ASTN2: variants seen among roughly 807,000 people sequenced by gnomAD.
ASTN2 encodes the protein astrotactin-2.
Under a neutral mutation model 139.8 loss-of-function variants are expected in ASTN2, and 54 were observed. That is an observed-to-expected ratio of 0.39 (90% confidence interval 0.31 to 0.48). The LOEUF is 0.48. Ranked by LOEUF, ASTN2 falls within the 20% of genes least tolerant of loss-of-function variation. ASTN2 has a pLI of 0.95. For synonymous variants in ASTN2, 756 were observed against 719.5 expected, an observed-to-expected ratio of 1.05 and a Z score of -0.81; for missense variants, 1,565 against 1,725.1, an observed-to-expected ratio of 0.91 and a Z score of 1.64.
chr9:117,312,721 T>C (rs1186230903), intron 1 of ASTN2, among the ~76,000 whole-genome samples: 5 of 152,144 alleles, frequency 3.3e-5, no homozygotes, highest in African/African-American at 1.2e-4. Context: ...CCATATCAGC[T>C]CTGCCATTCA....
chr9:117,205,609 CTGTT>C (rs1831892348), intron 3 of ASTN2, among the ~76,000 whole-genome samples: 1 of 152,106 alleles, frequency 6.6e-6, no homozygotes, highest in African/African-American at 2.4e-5. Context: ...CCGACTTTTT[CTGTT>C]TGTCCACTGA....
intron 1 of ASTN2, among the ~76,000 whole-genome samples, chr9:117,328,753 C>T (rs1828603225): frequency 6.6e-6 from 1 of 152,184 alleles, no homozygotes; most frequent in Non-Finnish European, 1.5e-5. Flanking sequence ...CTTTCTCTAG[C>T]CATTCATCAG....
At chr9:116,746,589 A>T (rs531986285) in intron 13 of ASTN2, among the ~76,000 whole-genome samples, 1 of 152,296 alleles carries the variant, frequency 6.6e-6, no homozygotes, top group South Asian at 2.1e-4. Flanking sequence ...TAACTTATTC[A>T]TGGGTTCCAG....
intron 2 of ASTN2, among the ~76,000 whole-genome samples, chr9:117,289,811 T>A (rs1439836097): frequency 6.6e-6 from 1 of 152,184 alleles, no homozygotes; most frequent in Non-Finnish European, 1.5e-5. Context: ...ATGGAAAAAG[T>A]CTATCACACT....
chr9:116,723,252 T>C (rs1456267442), intron 16 of ASTN2, among the ~76,000 whole-genome samples: 1 of 152,184 alleles, frequency 6.6e-6, no homozygotes, highest in Non-Finnish European at 1.5e-5. Context: ...AATTTTTACT[T>C]TATTTCAAGC....
At chr9:116,521,877 A>C (rs1214445415) in intron 19 of ASTN2, among the ~76,000 whole-genome samples, 3 of 152,168 alleles carry the variant, frequency 2.0e-5, no homozygotes, top group African/African-American at 4.8e-5. Flanking sequence ...AATTCTCAAA[A>C]GAAGATATAC....
chr9:117,253,746 T>A (rs948414124), intron 2 of ASTN2, among the ~76,000 whole-genome samples: 1 of 152,142 alleles, frequency 6.6e-6, no homozygotes, highest in Non-Finnish European at 1.5e-5. Context: ...AAAGCATCCA[T>A]GAAACAGGAG....
chr9:117,310,942 T>C (rs962707775), intron 1 of ASTN2, among the ~76,000 whole-genome samples: 1 of 152,154 alleles, frequency 6.6e-6, no homozygotes, highest in African/African-American at 2.4e-5. Flanking sequence ...CTATCCTGTC[T>C]TCCAGAGGTC....
At chr9:116,549,678 T>C (rs140436467) in intron 19 of ASTN2, among the ~76,000 whole-genome samples, 110 of 152,220 alleles carry the variant, frequency 7.2e-4, no homozygotes, top group Non-Finnish European at 1.2e-3. Flanking sequence ...GCAGACCCTG[T>C]ACTCCCAACA....
chr9:117,188,687 T>G (rs1163256740), intron 3 of ASTN2, among the ~76,000 whole-genome samples: 1 of 152,146 alleles, frequency 6.6e-6, no homozygotes, highest in South Asian at 2.1e-4. Flanking sequence ...TGAGAAAGCA[T>G]GCATAGATGA....
At chr9:116,632,121 GA>G (rs1856772687) in intron 17 of ASTN2, among the ~76,000 whole-genome samples, 1 of 79,064 alleles carries the variant, frequency 1.3e-5, no homozygotes, top group Non-Finnish European at 2.6e-5. Flanking sequence ...AAAAGAAAAA[GA>G]AAAAGAAGAG....
rs1046517829 is a variant in ASTN2 at position 116,424,833 on chromosome 9, C to A, written c.*1018G>T. ...CAAACTCCTGGCCTCAAGTGATCCA[C>A]CTGCCCTGGCCTCCCAAAGTGCTAG... is the stretch of plus-strand genomic sequence containing the variant. On this transcript the variant is annotated 3_prime_UTR_variant, in exon 23 of 23. Coordinates refer to ENST00000313400, the MANE Select transcript of ASTN2 (RefSeq NM_001365068.1). Among the ~76,000 whole-genome samples the A allele has an allele frequency of 2.6e-5, 4 of 152,158 alleles. No individual in the cohort carries two copies. Among genetic ancestry groups the A allele is most frequent in the African/African-American group, 9.7e-5 (4 of 41,444 alleles).
In ASTN2 at chr9:116,620,467, T is replaced by G. The variant is rs1161708172; in HGVS notation, c.3073-24A>C. On this transcript the variant is annotated intron_variant, in intron 17 of 22. Coordinates refer to ENST00000313400, the MANE Select transcript of ASTN2 (RefSeq NM_001365068.1). ...GCCTGGACAAAAAAAGAGGACAGAA[T>G]AGACAATGATGACAACAGGGGAGAG... is the stretch of plus-strand genomic sequence containing the variant. 3 of 1,613,682 alleles carry G rather than the reference T, an allele frequency of 1.9e-6. No individual in the cohort carries two copies. The African/African-American group carries it at 4.0e-5, about 22-fold the overall frequency.
chr9:117,224,970 T>C (rs1832654382), intron 2 of ASTN2, among the ~76,000 whole-genome samples: 2 of 152,318 alleles, frequency 1.3e-5, no homozygotes, highest in Middle Eastern at 3.4e-3. Flanking sequence ...GAGGGTGTTC[T>C]TAATCATCTC....
At chr9:117,209,175 A>G (rs926405071) in intron 3 of ASTN2, among the ~76,000 whole-genome samples, 1 of 152,184 alleles carries the variant, frequency 6.6e-6, no homozygotes, top group Middle Eastern at 3.2e-3. Context: ...GAAAACACTC[A>G]GTGAAACACT....
chr9:116,532,956 T>C (rs1369405967), intron 19 of ASTN2, among the ~76,000 whole-genome samples: 4 of 152,346 alleles, frequency 2.6e-5, no homozygotes, highest in South Asian at 2.1e-4. Flanking sequence ...TTGGGCAGTA[T>C]GGCCATTTTG....
intron 11 of ASTN2, among the ~76,000 whole-genome samples, chr9:116,851,772 A>G (rs999659395): frequency 6.6e-6 from 1 of 152,178 alleles, no homozygotes; most frequent in Admixed American, 6.6e-5. Context: ...AATTCCTCCA[A>G]TGGAGAACCT....
chr9:116,832,940 T>TTTTATTTATTTATTTA (rs376636277), intron 11 of ASTN2, among the ~76,000 whole-genome samples: 7,317 of 149,848 alleles, frequency 0.049, 237 homozygotes, highest in East Asian at 0.13. Context: ...TTTTGTTTTG[T>TTTTATTTATTTATTTA]TTTATTTATT....
intron 22 of ASTN2, chr9:116,437,739 G>A (rs998217323): frequency 1.6e-5 from 6 of 372,934 alleles, no homozygotes; most frequent in African/African-American, 6.3e-5. Context: ...GCTTTCATCT[G>A]GGGCTCTTCA....
Sources: gnomAD v4.1 joint callset for allele counts (sites outside exome capture counted in the v4.1 genomes callset) on GRCh38, gnomAD v4.1.1 for gene constraint, MANE v1.5 for transcripts, NCBI Gene and HGNC (gene_info 2026-07-23, HGNC 2026-07-21) for gene names.